CCDC171: variants seen among roughly 807,000 people sequenced by gnomAD.
The protein encoded by CCDC171 is coiled-coil domain-containing protein 171.
In CCDC171, 177 loss-of-function variants were observed where a neutral mutation model predicts 168.2. That is an observed-to-expected ratio of 1.05 (90% CI 0.93 to 1.19). The LOEUF (loss-of-function observed/expected upper bound fraction) is 1.19, where lower values mean the gene tolerates loss of function less well. Ranked by LOEUF, CCDC171 falls within the 50% of genes most tolerant of loss-of-function variation. CCDC171 has a pLI of 0.00. For synonymous variants in CCDC171, 687 were observed against 540.8 expected (o/e 1.27, Z -3.75); for missense variants, 1,991 against 1,539.0 (o/e 1.29, Z -4.91).
chr9:15,589,571 A>T (rs531604673), intron 4 of CCDC171, among the ~76,000 whole-genome samples: 3 of 152,216 alleles, frequency 2.0e-5, no homozygotes, highest in Non-Finnish European at 4.4e-5. Flanking sequence ...TTGGGTTTAT[A>T]GTGGCTTTCT....
chr9:16,038,749 C>G (rs959499648), upstream of CCDC171, among the ~76,000 whole-genome samples: 1 of 149,684 alleles, frequency 6.7e-6, no homozygotes, highest in Non-Finnish European at 1.5e-5. Flanking sequence ...TCTGTTAAAA[C>G]ACAGAGATTG....
At chr9:15,871,766 C>T (rs747399202) in intron 23 of CCDC171, among the ~76,000 whole-genome samples, 18 of 152,024 alleles carry the variant, frequency 1.2e-4, no homozygotes, top group Non-Finnish European at 1.8e-4. Context: ...CTTCTGCATT[C>T]TTTCTGAAGT....
chr9:15,776,050 C>T (rs778181269), intron 18 of CCDC171: 13 of 152,134 alleles, frequency 8.5e-5, no homozygotes, highest in Non-Finnish European at 1.8e-4. Flanking sequence ...CTATTTAATT[C>T]ACATAGTACT....
At chr9:16,058,149 C>T (rs907454108) in intron 1 of CCDC171, among the ~76,000 whole-genome samples, 3 of 152,096 alleles carry the variant, frequency 2.0e-5, no homozygotes, top group African/African-American at 7.2e-5. Context: ...AAGAGTAGCT[C>T]TTGTCCAAGA....
At chr9:15,875,441 G>A (rs539171733) in intron 24 of CCDC171, 2 of 151,812 alleles carry the variant, frequency 1.3e-5, no homozygotes, top group Admixed American at 1.3e-4. Context: ...GAAATTCAGT[G>A]TGTCCTTTTA....
At chr9:15,763,736 T>C (rs2056575215) in intron 18 of CCDC171, among the ~76,000 whole-genome samples, 1 of 152,226 alleles carries the variant, frequency 6.6e-6, no homozygotes, top group Non-Finnish European at 1.5e-5. Context: ...GTATTACCTG[T>C]GACTGTAGTT....
intron 21 of CCDC171, among the ~76,000 whole-genome samples, chr9:15,796,294 A>T (rs1156941925): frequency 1.3e-5 from 2 of 152,166 alleles, no homozygotes; most frequent in African/African-American, 4.8e-5. Context: ...AATGCTCTCC[A>T]GGGGGACAAA....
chr9:16,004,002 A>T (rs1022618479), intron 3 of CCDC171, among the ~76,000 whole-genome samples: 2 of 152,176 alleles, frequency 1.3e-5, no homozygotes, highest in African/African-American at 4.8e-5. Context: ...TTTACCTCTC[A>T]CTGCAGGGGA....
intron 3 of CCDC171, among the ~76,000 whole-genome samples, chr9:15,993,366 G>A (rs1238444721): frequency 6.6e-6 from 1 of 152,164 alleles, no homozygotes; most frequent in African/African-American, 2.4e-5. Context: ...ATTAATAAAT[G>A]GTGCTGGGAA....
At chr9:15,588,436 C>T in intron 4 of CCDC171, 1 of 281,458 alleles carries the variant, frequency 3.6e-6, no homozygotes, top group Non-Finnish European at 7.3e-6. Context: ...GTCTGCTAAA[C>T]CTGCTCCTTC....
the CCDC171 span, among the ~76,000 whole-genome samples, chr9:16,098,164 C>T: frequency 6.6e-6 from 1 of 152,136 alleles, no homozygotes; most frequent in Middle Eastern, 3.2e-3. Context: ...AGCTGAGAGA[C>T]TTTGGGCTAG....
intron 18 of CCDC171, among the ~76,000 whole-genome samples, chr9:15,761,302 AGGTT>A (rs2056433372): frequency 6.6e-6 from 1 of 152,190 alleles, no homozygotes; most frequent in South Asian, 2.1e-4. Context: ...AACTAAGCCT[AGGTT>A]GTGTTCAACT....
chr9:15,658,132 T>C (rs2048072595), intron 8 of CCDC171, among the ~76,000 whole-genome samples: 1 of 152,192 alleles, frequency 6.6e-6, no homozygotes, highest in Non-Finnish European at 1.5e-5. Flanking sequence ...CTAAATAAAA[T>C]GTACTTGTTT....
intron 2 of CCDC171, among the ~76,000 whole-genome samples, chr9:15,566,894 G>A (rs2039776615): frequency 6.6e-6 from 1 of 152,164 alleles, no homozygotes; most frequent in African/African-American, 2.4e-5. Flanking sequence ...GTAGCCAGTT[G>A]TTCCAGCAGC....
chr9:16,013,478 CA>C (rs1412815357), intron 3 of CCDC171, among the ~76,000 whole-genome samples: 1 of 152,190 alleles, frequency 6.6e-6, no homozygotes, highest in Admixed American at 6.5e-5. Flanking sequence ...AGGTTCAACC[CA>C]CTTCTCTTCC....
At chr9:15,555,857 C>T (rs182977193) in intron 1 of CCDC171, among the ~76,000 whole-genome samples, 80 of 152,158 alleles carry the variant, frequency 5.3e-4, no homozygotes, top group African/African-American at 1.7e-3. Context: ...TGCCAGGCCC[C>T]GGTGTGTGAT....
chr9:15,789,935 C>T (rs917841390), intron 21 of CCDC171, among the ~76,000 whole-genome samples: 1 of 152,090 alleles, frequency 6.6e-6, no homozygotes, highest in East Asian at 1.9e-4. Context: ...ATGAACTCAT[C>T]CTTTTTTATG....
intron 25 of CCDC171, among the ~76,000 whole-genome samples, chr9:15,952,576 T>C (rs1299834281): frequency 1.3e-5 from 2 of 152,124 alleles, no homozygotes; most frequent in Non-Finnish European, 2.9e-5. Flanking sequence ...TTTGTACTTT[T>C]AGTAGAGACG....
In CCDC171 at chr9:15,626,526, G is replaced by T. The variant is rs566054779; in HGVS notation, c.822+3113G>T. Among the ~76,000 whole-genome samples the T allele has an allele frequency of 2.9e-3, 438 of 152,222 alleles. 2 individuals carry two copies. Among genetic ancestry groups the T allele is most frequent in the Non-Finnish European group, 4.5e-3 (306 of 68,028 alleles). ...TTATTGAGAGTTTTTAGCATAAAGG[G>T]CTGTAGAATTTTGTCAAAGGCCTTT... On this transcript the variant is annotated intron_variant, in intron 7 of 25. Transcript: ENST00000380701.
Sources: gnomAD v4.1 joint callset for allele counts (sites outside exome capture counted in the v4.1 genomes callset) on GRCh38, gnomAD v4.1.1 for gene constraint, MANE v1.5 for transcripts, NCBI Gene and HGNC (gene_info 2026-07-23, HGNC 2026-07-21) for gene names.